TANC2: variants seen among roughly 807,000 people sequenced by gnomAD.
TANC2 encodes the protein tetratricopeptide repeat, ankyrin repeat and coiled-coil containing 2, also known as protein TANC2.
In TANC2, 26 loss-of-function variants were observed where a neutral mutation model predicts 210.5. The observed-to-expected ratio is 0.12, with a 90% CI of 0.09 to 0.17. TANC2 has a LOEUF of 0.17. Ranked by LOEUF, TANC2 falls within the 10% of genes least tolerant of loss-of-function variation. The pLI is 1.00. For missense variants in TANC2, 2,129 were observed against 2,608.9 expected (o/e 0.82, Z 4.01); for synonymous variants, 931 against 967.1 (o/e 0.96, Z 0.69).
chr17:63,413,679 T>A (rs2048774554), intron 25 of TANC2, 45 bp downstream of exon 25: 1 of 1,483,582 alleles, frequency 6.7e-7, no homozygotes, highest in Non-Finnish European at 9.2e-7. Flanking sequence ...AGCCACTGAC[T>A]GTTTTCCATG....
chr17:63,201,084 C>A, intron 7 of TANC2, 127 bp downstream of exon 7: 1 of 755,982 alleles, frequency 1.3e-6, no homozygotes, highest in Non-Finnish European at 2.0e-6. Flanking sequence ...CTTTCCTGGT[C>A]TTTTTAATGA....
At chr17:63,216,808 A>G (rs1339055200) in intron 7 of TANC2, among the ~76,000 whole-genome samples, 2 of 152,200 alleles carry the variant, frequency 1.3e-5, no homozygotes. Flanking sequence ...TAGAAGGTTC[A>G]CCAAGACATA....
chr17:63,347,433 C>CA (rs1477981030), intron 12 of TANC2, among the ~76,000 whole-genome samples: 2 of 152,064 alleles, frequency 1.3e-5, no homozygotes, highest in African/African-American at 4.8e-5. Flanking sequence ...ATATAGCTGT[C>CA]AAAACTTATC....
intron 5 of TANC2, among the ~76,000 whole-genome samples, chr17:63,178,316 G>C (rs1347511416): frequency 1.3e-5 from 2 of 151,992 alleles, no homozygotes; most frequent in Non-Finnish European, 2.9e-5. Context: ...CTGGGCGACA[G>C]AGCAAGACTC....
chr17:63,009,411 A>C (rs1180730144), intron 1 of TANC2, 126 bp from the exon 2 acceptor site: 1 of 579,028 alleles, frequency 1.7e-6, no homozygotes, highest in Non-Finnish European at 3.0e-6. Context: ...TTATTTATTG[A>C]GTGGCAAACA....
At chr17:63,076,689 T>A (rs1338225605) in intron 3 of TANC2, among the ~76,000 whole-genome samples, 1 of 151,950 alleles carries the variant, frequency 6.6e-6, no homozygotes, top group African/African-American at 2.4e-5. Flanking sequence ...AGAACTATTA[T>A]CCCCAGAAAT....
chr17:63,181,023 C>CAA lies in TANC2; in HGVS notation c.434-12941_434-12940dup, dbSNP rs1171748208. Among the ~76,000 whole-genome samples, 27 of 30,662 alleles carry CAA rather than the reference C, an allele frequency of 8.8e-4. 2 individuals carry two copies. The highest frequency in any genetic ancestry group is 4.5e-3 in the South Asian group (2 of 448). The allele number at this position is 30,662 out of a possible 152,430, so 20.1% of individuals were successfully genotyped here. On this transcript the variant is annotated intron_variant, in intron 5 of 27. Transcript: ENST00000689528. ...TGGGTGACAGAGTGAGACTCCATCT[C>CAA]AAAAAAAAAAAAAAAAAAAAAAAAA... is the stretch of plus-strand genomic sequence containing the variant.
chr17:63,105,163 C>G (rs2037778190), intron 4 of TANC2, among the ~76,000 whole-genome samples: 1 of 151,674 alleles, frequency 6.6e-6, no homozygotes, highest in Non-Finnish European at 1.5e-5. Flanking sequence ...GAGTAATCTT[C>G]AAATACCAAC....
At chr17:63,277,764 C>G (rs1349768964) in intron 9 of TANC2, among the ~76,000 whole-genome samples, 1 of 151,480 alleles carries the variant, frequency 6.6e-6, no homozygotes, top group African/African-American at 2.4e-5. Flanking sequence ...TAAGAACATG[C>G]CAACACAATG....
rs149442599 is a variant in TANC2 at position 63,267,471 on chromosome 17, T to C, written c.1034-277T>C. On this transcript the variant is annotated intron_variant, in intron 8 of 27. Coordinates refer to ENST00000689528, the Ensembl canonical transcript of TANC2. ...TTTTGCTTTTTGAATAGGAAATATTTAATCCCTCTGTTTAAGGTTATAGAA... is the reference window on the plus strand; with the variant it reads ...TTTTGCTTTTTGAATAGGAAATATTCAATCCCTCTGTTTAAGGTTATAGAA... 6.6e-3 allele frequency among the ~76,000 whole-genome samples: 1,004 copies of C among 152,272 alleles called. 6 individuals carry two copies. Among genetic ancestry groups the C allele is most frequent in the Admixed American group, 0.011 (173 of 15,290 alleles).
chr17:63,340,649 A>C (rs1012678734), intron 12 of TANC2, among the ~76,000 whole-genome samples: 5 of 152,210 alleles, frequency 3.3e-5, no homozygotes, highest in African/African-American at 1.2e-4. Context: ...TTGTGGCTCC[A>C]ACGCAGTGTT....
chr17:63,257,056 T>G (rs1457281886), intron 8 of TANC2, among the ~76,000 whole-genome samples: 4 of 148,942 alleles, frequency 2.7e-5, no homozygotes, highest in South Asian at 4.3e-4. Flanking sequence ...TTGTTTTTTG[T>G]TTGGTTGGTT....
chr17:63,199,462 T>C (rs1249963383), intron 6 of TANC2, among the ~76,000 whole-genome samples: 3 of 151,936 alleles, frequency 2.0e-5, no homozygotes, highest in Non-Finnish European at 4.4e-5. Flanking sequence ...CTACTAAAAC[T>C]ATAAAAATTA....
intron 3 of TANC2, among the ~76,000 whole-genome samples, chr17:63,098,511 G>GTATATATATATATATA (rs1286873668): frequency 9.6e-5 from 7 of 72,600 alleles, no homozygotes; most frequent in African/African-American, 6.8e-4. Context: ...CTCTCTCTCT[G>GTATATATATATATATA]TGTGTATATA....
intron 4 of TANC2, among the ~76,000 whole-genome samples, chr17:63,128,015 C>T (rs1413835369): frequency 2.0e-5 from 3 of 152,054 alleles, no homozygotes; most frequent in African/African-American, 7.2e-5. Flanking sequence ...TAATGAGAGG[C>T]AGTTAAGTTA....
intron 7 of TANC2, among the ~76,000 whole-genome samples, chr17:63,203,090 T>G (rs1395229424): frequency 1.3e-5 from 2 of 152,144 alleles, no homozygotes; most frequent in East Asian, 3.8e-4. Context: ...GGCATATGAT[T>G]ATTTAACTTC....
At chr17:63,169,914 G>A (rs1240312383) in intron 5 of TANC2, among the ~76,000 whole-genome samples, 3 of 151,730 alleles carry the variant, frequency 2.0e-5, no homozygotes, top group African/African-American at 7.3e-5. Flanking sequence ...GGCAGATCAC[G>A]AGGTCAGGAG....
intron 12 of TANC2, among the ~76,000 whole-genome samples, chr17:63,347,447 G>A (rs1382525347): frequency 6.6e-6 from 1 of 152,166 alleles, no homozygotes; most frequent in Admixed American, 6.5e-5. Context: ...ACTTATCAAA[G>A]TGTATAGTTA....
intron 19 of TANC2, 102 bp downstream of exon 19, chr17:63,399,016 G>A: frequency 2.5e-6 from 2 of 802,152 alleles, no homozygotes; most frequent in South Asian, 2.0e-5. Context: ...GCAGTCTTCT[G>A]TCTCAGGCTT....
Sources: gnomAD v4.1 joint callset for allele counts (sites outside exome capture counted in the v4.1 genomes callset) on GRCh38, gnomAD v4.1.1 for gene constraint, MANE v1.5 for transcripts, NCBI Gene and HGNC (gene_info 2026-07-23, HGNC 2026-07-21) for gene names.